Variants in CTNNA2 observed in about 807,000 individuals in gnomAD.
CTNNA2 encodes catenin alpha-2.
In CTNNA2, 42 loss-of-function variants were observed where a neutral mutation model predicts 101.0. That is an observed-to-expected ratio of 0.42 (90% CI 0.32 to 0.54). The LOEUF (loss-of-function observed/expected upper bound fraction) is 0.54, where lower values mean the gene tolerates loss of function less well. CTNNA2 is among the 20% of genes least tolerant of loss of function. The pLI, the probability that CTNNA2 is intolerant of heterozygous loss-of-function variation, is 0.14. For missense variants in CTNNA2, 871 were observed against 1,223.1 expected, an observed-to-expected ratio of 0.71 and a Z score of 4.29; for synonymous variants, 450 against 456.4, an observed-to-expected ratio of 0.99 and a Z score of 0.18.
intron 7 of CTNNA2, among the ~76,000 whole-genome samples, chr2:80,315,872 A>G (rs1224250627): frequency 6.6e-6 from 1 of 152,232 alleles, no homozygotes; most frequent in East Asian, 1.9e-4. Flanking sequence ...AGTATCATCC[A>G]TAAACACTGA....
chr2:80,209,602 GACAC>G (rs139384928), intron 7 of CTNNA2, among the ~76,000 whole-genome samples: 58 of 145,536 alleles, frequency 4.0e-4, no homozygotes, highest in Middle Eastern at 3.5e-3. Flanking sequence ...CATACACACA[GACAC>G]ACACACACAC....
chr2:79,572,966 T>C (rs568203330), intron 1 of CTNNA2, among the ~76,000 whole-genome samples: 3 of 152,312 alleles, frequency 2.0e-5, no homozygotes, highest in African/African-American at 7.2e-5. Context: ...ATGTTTCACA[T>C]ATGGCACATT....
chr2:79,299,111 G>A (rs527450356), intron 2 of CTNNA2, among the ~76,000 whole-genome samples: 4 of 152,212 alleles, frequency 2.6e-5, no homozygotes, highest in Non-Finnish European at 2.9e-5. Flanking sequence ...GTTTAGTATC[G>A]TCTGGAGCTT....
At chr2:79,439,046 G>C (rs142314801) in intron 4 of CTNNA2, among the ~76,000 whole-genome samples, 2 of 152,244 alleles carry the variant, frequency 1.3e-5, no homozygotes, top group African/African-American at 4.8e-5. Flanking sequence ...AAGCATCATA[G>C]GACCCAGTGA....
intron 2 of CTNNA2, among the ~76,000 whole-genome samples, chr2:79,247,163 G>C (rs1391035433): frequency 6.6e-6 from 1 of 152,184 alleles, no homozygotes. Context: ...TAAGACCCCA[G>C]TGTGATCTCC....
At chr2:80,087,357 G>T (rs899642721) in intron 7 of CTNNA2, among the ~76,000 whole-genome samples, 3 of 152,054 alleles carry the variant, frequency 2.0e-5, no homozygotes, top group Non-Finnish European at 4.4e-5. Flanking sequence ...AGGTAGGAAG[G>T]TGATGTGTGC....
chr2:79,307,899 T>A (rs1358756724), intron 2 of CTNNA2, among the ~76,000 whole-genome samples: 3 of 152,212 alleles, frequency 2.0e-5, no homozygotes, highest in African/African-American at 4.8e-5. Flanking sequence ...TTTCTGATAA[T>A]AGCCATCCTA....
chr2:79,906,724 AGTGTGTTCCTTGG>A, intron 6 of CTNNA2, among the ~76,000 whole-genome samples: 1 of 152,298 alleles, frequency 6.6e-6, no homozygotes, highest in Admixed American at 6.5e-5. Flanking sequence ...CATTTCCCAA[AGTGTGTTCCTTGG>A]GTTCTCATAG....
At chr2:80,614,529 G>T (rs896428081) in intron 17 of CTNNA2, among the ~76,000 whole-genome samples, 5 of 151,254 alleles carry the variant, frequency 3.3e-5, no homozygotes, top group Admixed American at 1.3e-4. Context: ...TGGATACCAA[G>T]GGATGACTGT....
chr2:79,529,936 G>C (rs888971423), intron 1 of CTNNA2, among the ~76,000 whole-genome samples: 5 of 151,886 alleles, frequency 3.3e-5, no homozygotes, highest in Admixed American at 6.6e-5. Flanking sequence ...TGTAGCTCCT[G>C]GGTAGCTCTA....
intron 7 of CTNNA2, among the ~76,000 whole-genome samples, chr2:79,938,951 A>G (rs768582322): frequency 2.0e-5 from 3 of 152,202 alleles, no homozygotes; most frequent in East Asian, 1.9e-4. Flanking sequence ...CCAGGCAGCT[A>G]TCACTGACAG....
intron 7 of CTNNA2, among the ~76,000 whole-genome samples, chr2:80,317,928 T>G (rs1353700972): frequency 6.6e-6 from 1 of 152,142 alleles, no homozygotes; most frequent in African/African-American, 2.4e-5. Context: ...AACCTCTAAA[T>G]AAATGATGCC....
chr2:80,236,631 A>G (rs901165539), intron 7 of CTNNA2, among the ~76,000 whole-genome samples: 5 of 152,242 alleles, frequency 3.3e-5, no homozygotes, highest in Non-Finnish European at 7.3e-5. Flanking sequence ...GATTCAGTGA[A>G]CAACTAGTCA....
chr2:79,280,335 G>A (rs1675330126), intron 2 of CTNNA2, among the ~76,000 whole-genome samples: 2 of 152,110 alleles, frequency 1.3e-5, no homozygotes, highest in African/African-American at 4.8e-5. Context: ...GGGGGATGGA[G>A]TTTGGGAAGC....
chr2:79,538,869 A>G (rs976098544), intron 1 of CTNNA2, among the ~76,000 whole-genome samples: 1 of 152,194 alleles, frequency 6.6e-6, no homozygotes, highest in African/African-American at 2.4e-5. Context: ...ACAGAAGATC[A>G]TAACTGGGAA....
chr2:79,241,054 G>T (rs1335955665), intron 2 of CTNNA2, among the ~76,000 whole-genome samples: 1 of 152,034 alleles, frequency 6.6e-6, no homozygotes, highest in African/African-American at 2.4e-5. Context: ...GGCCAACTTG[G>T]TAATAAACCT....
intron 7 of CTNNA2, among the ~76,000 whole-genome samples, chr2:80,216,526 A>AT (rs1167557551): frequency 6.6e-6 from 1 of 152,178 alleles, no homozygotes; most frequent in African/African-American, 2.4e-5. Context: ...GTGAGGGTTG[A>AT]TCCCTCATGA....
chr2:80,057,627 T>A (rs1186036240), intron 7 of CTNNA2, among the ~76,000 whole-genome samples: 1 of 152,090 alleles, frequency 6.6e-6, no homozygotes, highest in African/African-American at 2.4e-5. Context: ...AACACAAGAA[T>A]TTAAGGGGGA....
At chr2:79,246,362 T>C (rs989876601) in intron 2 of CTNNA2, among the ~76,000 whole-genome samples, 1 of 152,216 alleles carries the variant, frequency 6.6e-6, no homozygotes, top group African/African-American at 2.4e-5. Context: ...TGCTTAATTT[T>C]CCTCCTGTCC....
Sources: allele counts gnomAD v4.1 joint callset (sites outside exome capture counted in the v4.1 genomes callset), GRCh38; gene constraint gnomAD v4.1.1; transcripts MANE v1.5; gene names NCBI Gene and HGNC (gene_info 2026-07-23, HGNC 2026-07-21).